Variants in LY6L observed in about 807,000 individuals in gnomAD.
The protein encoded by LY6L is lymphocyte antigen 6 family member L.
In LY6L, 8 loss-of-function variants were observed where a neutral mutation model predicts 8.3. That is an observed-to-expected ratio of 0.97 (90% CI 0.57 to 1.74). LY6L has a LOEUF of 1.74. Ranked by LOEUF, LY6L falls within the 40% of genes most tolerant of loss-of-function variation. LY6L has a pLI of 0.00. For synonymous variants in LY6L, 79 were observed against 77.9 expected (o/e 1.01, Z -0.07); for missense variants, 156 against 183.8 (o/e 0.85, Z 0.87).
In LY6L at chr8:143,081,061, G is replaced by T. The variant is rs1408317293; in HGVS notation, c.8G>T (p.Arg3Met). Reference sequence around the variant, plus strand: ...GCTGAGCCTTCTGGCGTCATGGAGAGGCTCGTCCTAACCCTGTGCACCCTC... The same window carrying T: ...GCTGAGCCTTCTGGCGTCATGGAGATGCTCGTCCTAACCCTGTGCACCCTC... ME[R>M]LVLTLCTLPL... The change falls in exon 2 of 4, where the codon AGG (arginine) becomes ATG (methionine). Residue 3 changes from arginine (R) to methionine (M), a missense_variant. Transcript: ENST00000562505. The T allele has an allele frequency of 6.5e-7, 1 of 1,534,484 alleles. No individual in the cohort carries two copies. The highest frequency in any genetic ancestry group is 1.2e-5 in the South Asian group (1 of 84,042).
Position 143,081,366 on chromosome 8 carries a change from G to A in LY6L, c.190+39G>A, listed in dbSNP as rs375691716. 35 of 1,320,932 alleles carry A rather than the reference G, an allele frequency of 2.6e-5. No individual in the cohort carries two copies. In the African/African-American group the frequency reaches 3.4e-4, roughly 13 times the overall value. The allele number at this position is 1,320,932 out of a possible 1,614,324, so 81.8% of individuals were successfully genotyped here. On this transcript the variant is annotated intron_variant, in intron 3 of 3. Transcript: ENST00000562505. Reference sequence around the variant, plus strand: ...GGGCAGAGGGCAGGTGCCAGGTGCCGGGGAAGGGCCGGTGCCCCCGCCTCT... The same window carrying A: ...GGGCAGAGGGCAGGTGCCAGGTGCCAGGGAAGGGCCGGTGCCCCCGCCTCT...
At chr8:143,082,377 C>A in intron 3 of LY6L, 48 bp from the exon 4 acceptor site, 1 of 1,361,634 alleles carries the variant, frequency 7.3e-7, no homozygotes, top group Non-Finnish European at 1.0e-6. Context: ...ACTGTGGATA[C>A]CTCCTTGCTG....
Position 143,081,347 on chromosome 8 carries a change from AG to A in LY6L, c.190+23del. The A allele has an allele frequency of 2.8e-6, 4 of 1,435,998 alleles. No homozygotes were observed. The highest frequency in any genetic ancestry group is 3.7e-6 in the Non-Finnish European group (4 of 1,073,462). The allele number at this position is 1,435,998 out of a possible 1,614,324, so 89.0% of individuals were successfully genotyped here. A position where few individuals can be genotyped will look rare whatever the true frequency, so the allele number is the denominator to read the frequency against. Reference sequence around the variant, plus strand: ...CTTTTAGTGAGTCCCCCCCGGGCAGAGGGCAGGTGCCAGGTGCCGGGGAAGG... The same window carrying A: ...CTTTTAGTGAGTCCCCCCCGGGCAGAGGCAGGTGCCAGGTGCCGGGGAAGG... On this transcript the variant is annotated intron_variant, in intron 3 of 3. Transcript: ENST00000562505.
rs1273085518 is a variant in LY6L, at chr8:143,082,592, G to A, written c.358G>A (p.Ala120Thr). Residue 120 changes from alanine (A) to threonine (T), a missense_variant, in exon 4 of 4, where the codon GCC (alanine) becomes ACC (threonine). Ala to Thr is a moderately conservative substitution (Grantham distance 58). Transcript: ENST00000562505. The stretch of plus-strand genomic sequence containing the variant: ...ACTGACCCCACAGGAGGGGCGCTGG[G>A]CCCTGCGAGGGGGGCTCCTGCTCCA... ...RALTPQEGRWALRGGLLLQVG... is the reference protein window; with the variant it reads ...RALTPQEGRWTLRGGLLLQVG... 1 of 1,529,200 alleles carries A rather than the reference G, an allele frequency of 6.5e-7. No individual in the cohort carries two copies. The highest frequency in any genetic ancestry group is 8.8e-7 in the Non-Finnish European group (1 of 1,141,734). The allele number at this position is 1,529,200 out of a possible 1,614,324, so 94.7% of individuals were successfully genotyped here. A position where few individuals can be genotyped will look rare whatever the true frequency, so the allele number is the denominator to read the frequency against.
intron 2 of LY6L, 36 bp from the exon 3 acceptor site, chr8:143,081,175 G>A: frequency 2.0e-6 from 3 of 1,527,698 alleles, no homozygotes; most frequent in Non-Finnish European, 2.6e-6. Context: ...TGGAGCTGCG[G>A]ACGCTGGTCC....
At chr8:143,081,367 G>A (rs1204146895) in intron 3 of LY6L, 40 bp downstream of exon 3, 1 of 1,304,024 alleles carries the variant, frequency 7.7e-7, no homozygotes, top group Non-Finnish European at 1.0e-6. Context: ...CCAGGTGCCG[G>A]GGAAGGGCCG....
rs1209428147 is a variant in LY6L at position 143,082,437 on chromosome 8, G to A, written c.203G>A (p.Arg68His). ...CTCTTTTCTGCAGAATGGAGTGTAC[G>A]CGTCCTGCTCAGCAAACGCTGTGCT... is the stretch of plus-strand genomic sequence containing the variant. ...EVVVSFKWSV[R>H]VLLSKRCAPR... Residue 68 changes from arginine to histidine, a missense_variant, in exon 4 of 4, where the codon CGC becomes CAC. By Grantham distance (29) the Arg-to-His change is conservative (BLOSUM62 0). Transcript: ENST00000562505. 7.2e-6 allele frequency: 11 copies of A among 1,535,024 alleles called. No individual in the cohort carries two copies. The East Asian group carries it at 1.2e-4, about 17-fold the overall frequency.
chr8:143,080,665 G>T lies in LY6L; in HGVS notation c.-19+6G>T. ...GCAGCCCGGCAGGAGAGAAGGTGCT[G>T]GGAGAGGGGTCCGGACTGTGGGCCG... On this transcript the variant is annotated splice_donor_region_variant and intron_variant, in intron 1 of 3. Coordinates refer to ENST00000562505, the MANE Select transcript of LY6L (RefSeq NM_001368160.2). 5.2e-6 allele frequency: 1 copy of T among 192,468 alleles called. No homozygotes were observed. The highest frequency in any genetic ancestry group is 1.1e-5 in the Non-Finnish European group (1 of 94,956). The allele number at this position is 192,468 out of a possible 1,614,324, so 11.9% of individuals were successfully genotyped here.
At chr8:143,080,753 G>T in intron 1 of LY6L, 94 bp downstream of exon 1, 1 of 406,454 alleles carries the variant, frequency 2.5e-6, no homozygotes, top group Non-Finnish European at 4.4e-6. Flanking sequence ...GATTGGAAGG[G>T]GGACCAAAGG....
chr8:143,081,090 C>T lies in LY6L; in HGVS notation c.37C>T (p.Leu13=), dbSNP rs764322760. ...CGTCCTAACCCTGTGCACCCTCCCG[C>T]TGGCTGTGGCGTCTGCTGGCTGCGC... ...RLVLTLCTLP[L]AVASAGCATT... is the part of the protein sequence containing the mutation. The change falls in exon 2 of 4, where the codon CTG becomes TTG. Residue 13 remains leucine (L), a synonymous_variant. Coordinates refer to ENST00000562505, the MANE Select transcript of LY6L (RefSeq NM_001368160.2). 251 of 1,535,006 alleles carry T rather than the reference C, an allele frequency of 1.6e-4. 1 individual carries two copies. In the Middle Eastern group the frequency reaches 3.3e-3, roughly 20 times the overall value.
Position 143,082,513 on chromosome 8 carries a change from G to A in LY6L, c.279G>A (p.Met93Ile). The change falls in exon 4 of 4, where the codon ATG (methionine) becomes ATA (isoleucine). Residue 93 changes from methionine to isoleucine, a missense_variant. Transcript: ENST00000562505. ...AGTTCGAATGGTCGCCGGCCCCCAT[G>A]GTGCAAGGCGTGATCACCAGGCGCT... Reference protein sequence around the residue: ...NMKFEWSPAPMVQGVITRRCC... With the variant: ...NMKFEWSPAPIVQGVITRRCC... The A allele has an allele frequency of 6.5e-7, 1 of 1,535,472 alleles. No individual in the cohort carries two copies.
At chr8:143,081,458 T>C in intron 3 of LY6L, 131 bp downstream of exon 3, 1 of 575,798 alleles carries the variant, frequency 1.7e-6, no homozygotes, top group South Asian at 2.3e-5. Flanking sequence ...AAGTGCCTCC[T>C]GCTGTCTCTC....
Position 143,081,035 on chromosome 8 carries a change from G to T in LY6L, c.-18-1G>T. The stretch of plus-strand genomic sequence containing the variant: ...CGCAACACCCACCTCACCCCACTCA[G>T]GCTGAGCCTTCTGGCGTCATGGAGA... On this transcript the variant is annotated splice_acceptor_variant, in intron 1 of 3. Transcript: ENST00000562505. LOFTEE classifies it low-confidence loss of function (5UTR_SPLICE). The T allele has an allele frequency of 6.5e-7, 1 of 1,531,416 alleles. No homozygotes were observed. Among genetic ancestry groups the T allele is most frequent in the Non-Finnish European group, 8.7e-7 (1 of 1,143,658 alleles). 94.9% of individuals were successfully genotyped at this position (1,531,416 alleles called of 1,614,324 possible). A position where few individuals can be genotyped will look rare whatever the true frequency, so the allele number is the denominator to read the frequency against.
intron 3 of LY6L, 93 bp downstream of exon 3, chr8:143,081,420 T>C (rs552700089): frequency 2.5e-6 from 2 of 792,264 alleles, no homozygotes; most frequent in South Asian, 3.9e-5. Flanking sequence ...TCCTCGGCGC[T>C]CCAGGGCCTG....
Position 143,082,923 on chromosome 8 carries a change from C to G in LY6L, c.*272C>G, listed in dbSNP as rs1302696383. On this transcript the variant is annotated 3_prime_UTR_variant, in exon 4 of 4. Coordinates refer to ENST00000562505, the MANE Select transcript of LY6L (RefSeq NM_001368160.2). ...GTGGGTGATGGGAAGGACGGTGCCT[C>G]TGATGTGGGTGATGGGAAGGACGGT... The G allele has an allele frequency of 2.2e-6, 1 of 461,332 alleles. No homozygotes were observed. The highest frequency in any genetic ancestry group is 2.0e-5 in the African/African-American group (1 of 50,452). 28.6% of individuals were successfully genotyped at this position (461,332 alleles called of 1,614,324 possible).
Sources: allele counts gnomAD v4.1 joint callset, GRCh38; gene constraint gnomAD v4.1.1; transcripts MANE v1.5; gene names NCBI Gene and HGNC (gene_info 2026-07-23, HGNC 2026-07-21).